Variants in UBE2L6 observed in about 807,000 individuals in gnomAD.
UBE2L6 encodes the protein ubiquitin/ISG15-conjugating enzyme E2 L6.
In UBE2L6, 11 loss-of-function variants were observed where a neutral mutation model predicts 13.6. The ratio of observed to expected loss-of-function variants is 0.81; its 90% confidence interval spans 0.51 to 1.34. The LOEUF (loss-of-function observed/expected upper bound fraction) is 1.34, where lower values mean the gene tolerates loss of function less well. UBE2L6 is among the 40% of genes most tolerant of loss of function. UBE2L6 has a pLI of 0.00. For synonymous variants in UBE2L6, 74 were observed against 83.2 expected, an observed-to-expected ratio of 0.89 and a Z score of 0.60; for missense variants, 197 against 199.5, an observed-to-expected ratio of 0.99 and a Z score of 0.07.
chr11:57,561,930 CAGTGGT>C (rs1330994864), intron 1 of UBE2L6, among the ~76,000 whole-genome samples: 2 of 152,184 alleles, frequency 1.3e-5, no homozygotes, highest in Non-Finnish European at 2.9e-5. Context: ...TGGTACAAAC[CAGTGGT>C]TCTCAACCAG....
chr11:57,553,097 G>C (rs367904188), intron 3 of UBE2L6, among the ~76,000 whole-genome samples: 3 of 152,204 alleles, frequency 2.0e-5, no homozygotes, highest in African/African-American at 7.2e-5. Context: ...AAACTCCTGA[G>C]CTGGTCCAGG....
chr11:57,554,440 G>C lies in UBE2L6; in HGVS notation c.307C>G (p.Gln103Glu). The change falls in exon 3 of 4, where the codon CAA becomes GAA. Residue 103 changes from glutamine to glutamate, a missense_variant. Coordinates refer to ENST00000287156, the MANE Select transcript of UBE2L6 (RefSeq NM_004223.5). The stretch of plus-strand genomic sequence containing the variant: ...TCCAAGCAAAGCCCAACCCCACCTT[G>C]GCAAGTCTTGGTGCAAGGCTTCCAG... ...ENWKPCTKTC[Q>E]VLEALNVLVN... 6.2e-7 allele frequency: 1 copy of C among 1,613,320 alleles called. No individual in the cohort carries two copies. Among genetic ancestry groups the C allele is most frequent in the South Asian group, 1.1e-5 (1 of 90,978 alleles).
intron 1 of UBE2L6, among the ~76,000 whole-genome samples, chr11:57,563,506 G>GA (rs1565160936): frequency 4.1e-5 from 6 of 145,346 alleles, no homozygotes; most frequent in African/African-American, 1.5e-4. Context: ...AAGAAAGAAA[G>GA]AAAAAAATGC....
At position 57,554,621 on chromosome 11, in the gene UBE2L6, G is replaced by A; in HGVS notation, c.126C>T (p.Asp42=). The A allele has an allele frequency of 6.2e-7, 1 of 1,614,066 alleles. No homozygotes were observed. The highest frequency in any genetic ancestry group is 8.5e-7 in the Non-Finnish European group (1 of 1,179,984). ...VLVWHALLLP[D]QPPYHLKAFN... is the part of the protein sequence containing the mutation. ...AGGCTTTCAGGTGGTAGGGAGGTTG[G>A]TCCTGTGCAGAGAGAAAAGGGGTCA... The change falls in exon 3 of 4, where the codon GAC becomes GAT. Residue 42 remains aspartate (D), a splice_region_variant and synonymous_variant. Coordinates refer to ENST00000287156, the MANE Select transcript of UBE2L6 (RefSeq NM_004223.5).
chr11:57,567,346 C>G (rs531808429), intron 1 of UBE2L6: 29,698 of 613,694 alleles, frequency 0.048, 987 homozygotes, highest in Non-Finnish European at 0.067. Flanking sequence ...GGAGCCGGCT[C>G]ATCTTCACCA....
Position 57,567,588 on chromosome 11 carries a change from C to T in UBE2L6, c.24G>A (p.Val8=). Reference sequence around the variant, plus strand: ...GGGTCATCCTATACGCGGTTACCTTCACCACTCGCATGCTCGCCATCATGT... The same window carrying T: ...GGGTCATCCTATACGCGGTTACCTTTACCACTCGCATGCTCGCCATCATGT... The part of the protein sequence containing the change: MMASMRV[V]KELEDLQKKP... The change falls in exon 1 of 4, where the codon GTG becomes GTA. Residue 8 remains valine (V), a synonymous_variant. Transcript: ENST00000287156. The T allele has an allele frequency of 2.5e-6, 4 of 1,607,998 alleles. No individual in the cohort carries two copies. Among genetic ancestry groups the T allele is most frequent in the Non-Finnish European group, 3.4e-6 (4 of 1,178,156 alleles).
chr11:57,552,279 AG>A lies in UBE2L6; in HGVS notation c.*78del, dbSNP rs1944964414. The stretch of plus-strand genomic sequence containing the variant: ...GAAAAATGAATGGGGAATGGGCCAC[AG>A]GGGGCTCTGGCCTCAGTCCATGAGG... On this transcript the variant is annotated 3_prime_UTR_variant, in exon 4 of 4. Coordinates refer to ENST00000287156, the MANE Select transcript of UBE2L6 (RefSeq NM_004223.5). 52 of 1,568,462 alleles carry A rather than the reference AG, an allele frequency of 3.3e-5. No individual in the cohort carries two copies. In the South Asian group the frequency reaches 5.6e-4, roughly 17 times the overall value.
chr11:57,556,592 CAAAAAAAAA>C (rs368936864), intron 2 of UBE2L6, among the ~76,000 whole-genome samples: 10 of 73,710 alleles, frequency 1.4e-4, no homozygotes, highest in Non-Finnish European at 1.5e-4. Flanking sequence ...AACTCCGTCT[CAAAAAAAAA>C]AAAAAAAAAA....
chr11:57,564,791 G>A (rs1399281670), intron 1 of UBE2L6, among the ~76,000 whole-genome samples: 3 of 150,316 alleles, frequency 2.0e-5, no homozygotes, highest in Non-Finnish European at 3.0e-5. Flanking sequence ...CAACAAGAGC[G>A]AAACTCCGTC....
At chr11:57,555,440 A>G (rs182234222) in intron 2 of UBE2L6, among the ~76,000 whole-genome samples, 150 of 152,382 alleles carry the variant, frequency 9.8e-4, no homozygotes, top group African/African-American at 3.3e-3. Context: ...AGTCAAATTC[A>G]TAGAAACAAA....
intron 3 of UBE2L6, among the ~76,000 whole-genome samples, 197 bp from the exon 4 acceptor site, chr11:57,552,706 G>A (rs1341641969): frequency 6.6e-6 from 1 of 152,172 alleles, no homozygotes; most frequent in Non-Finnish European, 1.5e-5. Flanking sequence ...TACATCAGTG[G>A]TTTTCAAACA....
chr11:57,555,010 T>TG (rs1436198820), intron 2 of UBE2L6, among the ~76,000 whole-genome samples: 1 of 152,102 alleles, frequency 6.6e-6, no homozygotes. Flanking sequence ...AACATTAGAA[T>TG]GGGGGTGAGG....
chr11:57,566,944 C>CT, intron 1 of UBE2L6: 1 of 72,306 alleles, frequency 1.4e-5, no homozygotes, highest in East Asian at 6.0e-4. Flanking sequence ...TTCATCTCTG[C>CT]CCGCCCCCCC....
At chr11:57,560,745 C>G (rs1479946727) in intron 1 of UBE2L6, among the ~76,000 whole-genome samples, 1 of 151,926 alleles carries the variant, frequency 6.6e-6, no homozygotes, top group Non-Finnish European at 1.5e-5. Flanking sequence ...CTCAGCCTCC[C>G]GAGTAGCTGG....
chr11:57,567,551 G>A (rs926716564), intron 1 of UBE2L6, 34 bp downstream of exon 1: 24 of 1,603,266 alleles, frequency 1.5e-5, no homozygotes, highest in Non-Finnish European at 2.0e-5. Context: ...GGCGAGGGGA[G>A]CCAAGAGAAA....
rs776453256 is a variant in UBE2L6, at chr11:57,567,633, C to G, written c.-22G>C. 3.1e-6 allele frequency: 5 copies of G among 1,604,438 alleles called. No homozygotes were observed. The South Asian group carries it at 5.6e-5, about 18-fold the overall frequency. On this transcript the variant is annotated 5_prime_UTR_variant, in exon 1 of 4. Transcript: ENST00000287156. ...TCATGTCGGGACCGAGTGTGTGGCA[C>G]CCGTGGCCTCCAGCAGGACCGAGCT...
rs529974290 is a variant in UBE2L6 at position 57,560,391 on chromosome 11, C to T, written c.69G>A (p.Arg23=). 7 of 1,613,884 alleles carry T rather than the reference C, an allele frequency of 4.3e-6. No individual in the cohort carries two copies. Among genetic ancestry groups the T allele is most frequent in the Admixed American group, 1.7e-5 (1 of 60,014 alleles). The change falls in exon 2 of 4, where the codon CGG becomes CGA. Residue 23 remains arginine (R), a synonymous_variant. Transcript: ENST00000287156. ...DLQKKPPPYL[R]NLSSDDANVL... is the part of the protein sequence containing the mutation. ...CATTGGCATCATCGCTGGACAGGTT[C>T]CGCAGGTATGGGGGAGGCTTCTTCT...
intron 2 of UBE2L6, among the ~76,000 whole-genome samples, chr11:57,558,579 T>C (rs1225358962): frequency 6.6e-6 from 1 of 152,180 alleles, no homozygotes; most frequent in African/African-American, 2.4e-5. Flanking sequence ...GGATTCAATA[T>C]GACCTCATAT....
At chr11:57,558,827 CCTCACCAGGCACCTTCAGGCCCCCTTAG>C (rs1347961155) in intron 2 of UBE2L6, among the ~76,000 whole-genome samples, 1 of 152,164 alleles carries the variant, frequency 6.6e-6, no homozygotes, top group African/African-American at 2.4e-5. Flanking sequence ...TCCTTTATGG[CCTCACCAGGCACCTTCAGGCCCCCTTAG>C]CTGATGACTT....
Sources: allele counts gnomAD v4.1 joint callset (sites outside exome capture counted in the v4.1 genomes callset), GRCh38; gene constraint gnomAD v4.1.1; transcripts MANE v1.5; gene names NCBI Gene and HGNC (gene_info 2026-07-23, HGNC 2026-07-21).